NAV1: variants seen among roughly 807,000 people sequenced by gnomAD.
The protein encoded by NAV1 is neuron navigator 1, also known as pore membrane and/or filament interacting like protein 3.
In NAV1, 18 loss-of-function variants were observed where a neutral mutation model predicts 175.2. The observed-to-expected ratio is 0.10, with a 90% CI of 0.07 to 0.15. NAV1 has a LOEUF of 0.15. Among genes scored for constraint, NAV1 ranks in the 10% least tolerant of loss-of-function variants. NAV1 has a pLI of 1.00. For missense variants in NAV1, 1,731 were observed against 2,436.6 expected (o/e 0.71, Z 6.10); for synonymous variants, 897 against 978.7 (o/e 0.92, Z 1.56).
At chr1:201,577,336 G>C (rs1392865738) in intron 1 of NAV1, among the ~76,000 whole-genome samples, 1 of 152,100 alleles carries the variant, frequency 6.6e-6, no homozygotes, top group Non-Finnish European at 1.5e-5. Context: ...TATGGATTGT[G>C]CTTTTGTTAT....
chr1:201,715,716 A>T (rs1672113465), intron 2 of NAV1, among the ~76,000 whole-genome samples: 1 of 152,232 alleles, frequency 6.6e-6, no homozygotes, highest in Non-Finnish European at 1.5e-5. Context: ...CTTATGGTCC[A>T]GTGTGTGCTT....
chr1:201,573,946 C>T (rs1270589393), intron 1 of NAV1, among the ~76,000 whole-genome samples: 13 of 151,978 alleles, frequency 8.6e-5, no homozygotes, highest in Admixed American at 8.5e-4. Context: ...GTCCCAGCTA[C>T]TTGGGAGGTT....
intron 1 of NAV1, among the ~76,000 whole-genome samples, chr1:201,581,689 T>C (rs1438693245): frequency 2.0e-5 from 3 of 151,680 alleles, no homozygotes; most frequent in African/African-American, 7.3e-5. Flanking sequence ...ATTAGCCGGG[T>C]GTCGTGGTGG....
intron 1 of NAV1, among the ~76,000 whole-genome samples, chr1:201,692,352 G>T (rs1322425471): frequency 1.3e-5 from 2 of 152,182 alleles, no homozygotes; most frequent in African/African-American, 4.8e-5. Context: ...AGGGTGCTCA[G>T]GTGGAGTGAC....
At chr1:201,612,668 G>T (rs914869944) in intron 2 of NAV1, among the ~76,000 whole-genome samples, 29 of 152,154 alleles carry the variant, frequency 1.9e-4, no homozygotes, top group African/African-American at 6.3e-4. Context: ...ATTCACAAAG[G>T]TGTAGCCCTC....
chr1:201,772,889 C>T (rs919257209), intron 3 of NAV1, among the ~76,000 whole-genome samples: 24 of 151,998 alleles, frequency 1.6e-4, no homozygotes, highest in East Asian at 1.2e-3. Context: ...AAAAATTGGC[C>T]GGGCGTGGTG....
chr1:201,624,235 G>C (rs1668258916), intron 1 of NAV1, among the ~76,000 whole-genome samples: 1 of 151,602 alleles, frequency 6.6e-6, no homozygotes, highest in Non-Finnish European at 1.5e-5. Flanking sequence ...GAGGTGGCCA[G>C]TCCAGTATTC....
Position 201,807,687 on chromosome 1 carries a change from CTTTT to C in NAV1, c.3649-265_3649-262del, listed in dbSNP as rs1004514884. Among the ~76,000 whole-genome samples the C allele has an allele frequency of 2.0e-5, 3 of 152,090 alleles. No homozygotes were observed. The highest frequency in any genetic ancestry group is 2.9e-5 in the Non-Finnish European group (2 of 68,016). On this transcript the variant is annotated intron_variant, in intron 17 of 29. Transcript: ENST00000367296. The surrounding 1 kb of genome is among the most constrained non-coding windows in gnomAD (Gnocchi z 5.4). Reference sequence around the variant, plus strand: ...CCTAATTTCCTTTCTTTCTTTCTTTCTTTTGAGATGGAGTCTCACTCTGTTGCCA... The same window carrying C: ...CCTAATTTCCTTTCTTTCTTTCTTTCGAGATGGAGTCTCACTCTGTTGCCA...
intron 1 of NAV1, among the ~76,000 whole-genome samples, chr1:201,562,493 C>T (rs934404430): frequency 2.0e-5 from 3 of 152,162 alleles, no homozygotes; most frequent in Non-Finnish European, 2.9e-5. Context: ...CACAGCAACC[C>T]CTCAGCAGCT....
chr1:201,546,148 T>G (rs1003720033), intron 1 of NAV1, among the ~76,000 whole-genome samples: 5 of 152,218 alleles, frequency 3.3e-5, no homozygotes, highest in Non-Finnish European at 5.9e-5. Flanking sequence ...TGCCTTTGTC[T>G]CTCATCTGGG....
In NAV1 at chr1:201,810,406, CA is replaced by C. The variant is rs1462244610; in HGVS notation, c.4562-115del. ...AAGGGACTCTTATGGAACCATGGGG[CA>C]AGTGGCTCTGAGTTTCTTCAGGGGG... On this transcript the variant is annotated intron_variant, in intron 23 of 29. Coordinates refer to ENST00000367296, the Ensembl canonical transcript of NAV1. This position sits in a 1 kb window ranked among gnomAD's most constrained non-coding sequence, Gnocchi z 6.0. 2 of 984,690 alleles carry C rather than the reference CA, an allele frequency of 2.0e-6. No individual in the cohort carries two copies. Among genetic ancestry groups the C allele is most frequent in the African/African-American group, 3.3e-5 (2 of 60,848 alleles). 61.0% of individuals were successfully genotyped at this position (984,690 alleles called of 1,614,324 possible). A position where few individuals can be genotyped will look rare whatever the true frequency, so the allele number is the denominator to read the frequency against.
At position 201,814,624 on chromosome 1, in the gene NAV1, T is replaced by TG. The variant is rs558842796; in HGVS notation, c.5340+1367dup. On this transcript the variant is annotated intron_variant, in intron 28 of 29. Transcript: ENST00000367296. Reference sequence around the variant, plus strand: ...ATTTCTAAAGATGCTGTCAGACTGATGCCAGAAATCATTATTTCATTTATA... The same window carrying TG: ...ATTTCTAAAGATGCTGTCAGACTGATGGCCAGAAATCATTATTTCATTTATA... Among the ~76,000 whole-genome samples the TG allele has an allele frequency of 5.1e-4, 78 of 152,280 alleles. 1 individual carries two copies. Among genetic ancestry groups the TG allele is most frequent in the Middle Eastern group, 6.8e-3 (2 of 294 alleles).
intron 1 of NAV1, among the ~76,000 whole-genome samples, chr1:201,559,803 A>C (rs936436857): frequency 2.0e-5 from 3 of 152,202 alleles, no homozygotes; most frequent in Admixed American, 6.5e-5. Context: ...CTTTGTCTGC[A>C]TGGCCTTGCA....
At chr1:201,793,904 G>A (rs1558172995) in intron 14 of NAV1, 29 bp downstream of exon 18, 1 of 1,419,128 alleles carries the variant, frequency 7.0e-7, no homozygotes, top group Non-Finnish European at 9.9e-7. Context: ...GGTGGGAGGG[G>A]TGGGTGCGGC....
chr1:201,789,051 T>C (rs1187287308), intron 10 of NAV1, among the ~76,000 whole-genome samples: 1 of 152,216 alleles, frequency 6.6e-6, no homozygotes, highest in Non-Finnish European at 1.5e-5. Flanking sequence ...ATTAGGCATC[T>C]CATTTCTCTT....
rs115883686 is a variant in NAV1 at position 201,601,158 on chromosome 1, G to T, written c.-33+12509G>T. ...AGCTCTAACATGGATAGCTGCTGTT[G>T]TCTGCATGTTTGTGTCTCTTCAACA... is the stretch of plus-strand genomic sequence containing the variant. On this transcript the variant is annotated intron_variant, in intron 2 of 33. Coordinates refer to the NAV1 transcript ENST00000685211. Among the ~76,000 whole-genome samples, 309 of 152,332 alleles carry T rather than the reference G, an allele frequency of 2.0e-3. 1 individual carries two copies. Among genetic ancestry groups the T allele is most frequent in the African/African-American group, 7.3e-3 (302 of 41,580 alleles).
At chr1:201,633,912 G>T (rs115077184) in intron 2 of NAV1, among the ~76,000 whole-genome samples, 1 of 152,322 alleles carries the variant, frequency 6.6e-6, no homozygotes, top group Non-Finnish European at 1.5e-5. Flanking sequence ...GATAAACAAA[G>T]CAGCAATCTA....
At chr1:201,754,586 G>A (rs1470216670) in intron 3 of NAV1, among the ~76,000 whole-genome samples, 1 of 152,302 alleles carries the variant, frequency 6.6e-6, no homozygotes, top group East Asian at 1.9e-4. Flanking sequence ...GTGGAGAGGC[G>A]ATGAGTGTAG....
At chr1:201,560,988 C>T (rs543060733) in intron 1 of NAV1, among the ~76,000 whole-genome samples, 20 of 152,240 alleles carry the variant, frequency 1.3e-4, no homozygotes, top group Non-Finnish European at 1.9e-4. Context: ...GCAGTCGCTA[C>T]TCTTTCCACA....
Sources: gnomAD v4.1 joint callset for allele counts (sites outside exome capture counted in the v4.1 genomes callset) on GRCh38, gnomAD v4.1.1 for gene constraint, Gnocchi (gnomAD v3.1) non-coding constraint, MANE v1.5 for transcripts, NCBI Gene and HGNC (gene_info 2026-07-23, HGNC 2026-07-21) for gene names.